Variants in SPAG16 observed in about 807,000 individuals in gnomAD.
The protein encoded by SPAG16 is sperm-associated antigen 16 protein.
Under a neutral mutation model 80.4 loss-of-function variants are expected in SPAG16, and 86 were observed. The observed-to-expected ratio is 1.07, with a 90% CI of 0.90 to 1.28. The LOEUF is 1.28. Among genes scored for constraint, SPAG16 ranks in the 50% most tolerant of loss-of-function variants. SPAG16 has a pLI of 0.00. For synonymous variants in SPAG16, 294 were observed against 265.9 expected, an observed-to-expected ratio of 1.11 and a Z score of -1.03; for missense variants, 870 against 765.3, an observed-to-expected ratio of 1.14 and a Z score of -1.61.
At chr2:213,826,363 G>C (rs1274201523) in intron 10 of SPAG16, among the ~76,000 whole-genome samples, 1 of 151,322 alleles carries the variant, frequency 6.6e-6, no homozygotes, top group African/African-American at 2.4e-5. Context: ...TTTCTTTTTT[G>C]ATGTAGGCAC....
chr2:213,984,189 A>C (rs1038911389), intron 12 of SPAG16, among the ~76,000 whole-genome samples: 2 of 152,222 alleles, frequency 1.3e-5, no homozygotes, highest in Admixed American at 1.3e-4. Context: ...CCAACTAAAA[A>C]GTCTAATTGC....
At chr2:213,647,646 T>G (rs2062868352) in intron 10 of SPAG16, among the ~76,000 whole-genome samples, 1 of 152,126 alleles carries the variant, frequency 6.6e-6, no homozygotes, top group Non-Finnish European at 1.5e-5. Flanking sequence ...GCAGAGAAAC[T>G]TGAAGCTTCT....
intron 15 of SPAG16, among the ~76,000 whole-genome samples, chr2:214,175,221 GTGTATATATATATATAAAGAAA>G (rs1365704078): frequency 3.6e-4 from 47 of 131,776 alleles, no homozygotes; most frequent in African/African-American, 2.1e-4. Context: ...AAAGAAATGT[GTGTATATATATATATAAAGAAA>G]TGTATATATA....
chr2:213,637,030 C>G (rs1354498900), intron 10 of SPAG16, among the ~76,000 whole-genome samples: 1 of 152,106 alleles, frequency 6.6e-6, no homozygotes, highest in Non-Finnish European at 1.5e-5. Context: ...TTGTCATGTT[C>G]CAGTTCTCAG....
At chr2:213,544,189 C>G (rs944728860) in intron 10 of SPAG16, among the ~76,000 whole-genome samples, 7 of 151,772 alleles carry the variant, frequency 4.6e-5, no homozygotes, top group African/African-American at 1.7e-4. Flanking sequence ...ACTTCTTTGA[C>G]TTTATCTTGG....
chr2:214,289,220 T>C (rs972555931), intron 15 of SPAG16, among the ~76,000 whole-genome samples: 6 of 152,250 alleles, frequency 3.9e-5, no homozygotes, highest in Non-Finnish European at 7.3e-5. Flanking sequence ...GATTGTTTCC[T>C]TGCTATGTAG....
chr2:213,878,794 A>T (rs565952345), intron 11 of SPAG16, among the ~76,000 whole-genome samples: 77 of 152,180 alleles, frequency 5.1e-4, no homozygotes, highest in African/African-American at 1.8e-3. Context: ...TTACATTTAA[A>T]TTCTTAATCC....
chr2:213,802,718 A>C lies in SPAG16; in HGVS notation c.1071-59767A>C, dbSNP rs563969206. Among the ~76,000 whole-genome samples, 6 of 152,314 alleles carry C rather than the reference A, an allele frequency of 3.9e-5. No homozygotes were observed. In the East Asian group the frequency reaches 1.2e-3, roughly 29 times the overall value. On this transcript the variant is annotated intron_variant, in intron 10 of 15. Transcript: ENST00000331683. ...AGGAACAAAGGTGTTAAGAAGAATAAAATATATAAACTGTGATTACTCAGA... is the reference window on the plus strand; with the variant it reads ...AGGAACAAAGGTGTTAAGAAGAATACAATATATAAACTGTGATTACTCAGA...
intron 15 of SPAG16, among the ~76,000 whole-genome samples, chr2:214,154,883 T>C (rs1370853084): frequency 6.6e-6 from 1 of 152,074 alleles, no homozygotes; most frequent in African/African-American, 2.4e-5. Context: ...GAAACAAAAA[T>C]GTATGTACAT....
chr2:213,943,324 G>A (rs900299328), intron 12 of SPAG16, among the ~76,000 whole-genome samples: 2 of 152,104 alleles, frequency 1.3e-5, no homozygotes, highest in African/African-American at 2.4e-5. Context: ...CTGCTATGAG[G>A]GGACTTTTAA....
At chr2:213,816,476 CT>C (rs1380059913) in intron 10 of SPAG16, among the ~76,000 whole-genome samples, 1 of 151,984 alleles carries the variant, frequency 6.6e-6, no homozygotes, top group Non-Finnish European at 1.5e-5. Flanking sequence ...ATATATTTAG[CT>C]TTACTCTGTA....
intron 13 of SPAG16, among the ~76,000 whole-genome samples, chr2:214,056,521 T>G (rs2049955494): frequency 1.1e-5 from 1 of 95,164 alleles, no homozygotes; most frequent in South Asian, 3.0e-4. Context: ...TTAAAAATAC[T>G]TATTGGTAAA....
intron 15 of SPAG16, among the ~76,000 whole-genome samples, chr2:214,176,925 G>A (rs1180161794): frequency 6.6e-6 from 1 of 150,878 alleles, no homozygotes; most frequent in African/African-American, 2.4e-5. Context: ...ACGTATCTCC[G>A]GAGCCAGAAT....
At chr2:214,082,122 T>C (rs890010587) in intron 13 of SPAG16, among the ~76,000 whole-genome samples, 1 of 152,184 alleles carries the variant, frequency 6.6e-6, no homozygotes, top group Non-Finnish European at 1.5e-5. Flanking sequence ...GCTTTTGGCT[T>C]GGATACCTCT....
intron 12 of SPAG16, among the ~76,000 whole-genome samples, chr2:213,971,451 C>T (rs1195410595): frequency 6.6e-6 from 1 of 152,030 alleles, no homozygotes; most frequent in East Asian, 1.9e-4. Context: ...ACATATACTA[C>T]CTGAATGCAA....
intron 15 of SPAG16, among the ~76,000 whole-genome samples, chr2:214,335,634 T>C (rs1697226029): frequency 1.3e-5 from 2 of 152,064 alleles, no homozygotes; most frequent in African/African-American, 4.8e-5. Flanking sequence ...AGTCCAGTTA[T>C]AAGCACTAAA....
chr2:213,314,836 C>T (rs1485894072), intron 4 of SPAG16, among the ~76,000 whole-genome samples: 1 of 151,848 alleles, frequency 6.6e-6, no homozygotes, highest in Non-Finnish European at 1.5e-5. Flanking sequence ...ATATCACATT[C>T]CTAGTACAGA....
At chr2:214,162,015 C>A (rs935747885) in intron 15 of SPAG16, among the ~76,000 whole-genome samples, 1 of 151,902 alleles carries the variant, frequency 6.6e-6, no homozygotes, top group Non-Finnish European at 1.5e-5. Flanking sequence ...ACGTTGGTAG[C>A]TTTTACATTT....
intron 9 of SPAG16, among the ~76,000 whole-genome samples, chr2:213,481,182 T>A (rs745412375): frequency 2.6e-5 from 4 of 152,314 alleles, no homozygotes; most frequent in Admixed American, 6.5e-5. Flanking sequence ...TTATTTTAAA[T>A]AAAAATTATG....
Sources: allele counts gnomAD v4.1 joint callset (sites outside exome capture counted in the v4.1 genomes callset), GRCh38; gene constraint gnomAD v4.1.1; transcripts MANE v1.5; gene names NCBI Gene and HGNC (gene_info 2026-07-23, HGNC 2026-07-21).